NT5C3A: variants seen among roughly 807,000 people sequenced by gnomAD.
NT5C3A encodes the protein cytosolic 5'-nucleotidase 3A.
A neutral mutation model predicts 40.0 loss-of-function variants in NT5C3A; 23 were observed. That is an observed-to-expected ratio of 0.58 (90% CI 0.41 to 0.81). NT5C3A has a LOEUF of 0.81. Ranked by LOEUF, NT5C3A falls within the 40% of genes least tolerant of loss-of-function variation. NT5C3A has a pLI of 0.00. For missense variants in NT5C3A, 328 were observed against 403.0 expected (o/e 0.81, Z 1.59); for synonymous variants, 130 against 141.4 (o/e 0.92, Z 0.57).
At chr7:33,036,176 G>T (rs886885926) in intron 1 of NT5C3A, 1 of 600,764 alleles carries the variant, frequency 1.7e-6, no homozygotes, top group African/African-American at 1.9e-5. Context: ...CTTTCATTGG[G>T]TGGATGCCTT....
At chr7:33,026,041 C>T (rs1000206087) in intron 2 of NT5C3A, among the ~76,000 whole-genome samples, 8 of 152,148 alleles carry the variant, frequency 5.3e-5, no homozygotes, top group Non-Finnish European at 1.0e-4. Flanking sequence ...TAAAAATTAG[C>T]TGGGTGTGGT....
chr7:33,017,250 GT>G, intron 7 of NT5C3A, 188 bp downstream of exon 7: 1 of 568,358 alleles, frequency 1.8e-6, no homozygotes, highest in East Asian at 2.9e-5. Flanking sequence ...GGGAATGAAA[GT>G]TTAAGAAGGG....
chr7:33,040,852 C>T, intron 1 of NT5C3A: 3 of 979,116 alleles, frequency 3.1e-6, no homozygotes, highest in Non-Finnish European at 3.6e-6. Flanking sequence ...AACTCATTTA[C>T]ATGAACCGTA....
At chr7:33,016,172 T>C (rs1230032523) in intron 7 of NT5C3A, among the ~76,000 whole-genome samples, 1 of 148,590 alleles carries the variant, frequency 6.7e-6, no homozygotes, top group Non-Finnish European at 1.5e-5. Context: ...GGTCAGGAGT[T>C]CGAGACCAGA....
At chr7:33,042,818 A>G (rs1046360758) in intron 1 of NT5C3A, among the ~76,000 whole-genome samples, 1 of 152,234 alleles carries the variant, frequency 6.6e-6, no homozygotes, top group Non-Finnish European at 1.5e-5. Context: ...GCCAGGACGT[A>G]TACTGCAAAT....
intron 6 of NT5C3A, among the ~76,000 whole-genome samples, chr7:33,018,504 T>TTG (rs1785458694): frequency 6.6e-6 from 1 of 152,188 alleles, no homozygotes; most frequent in African/African-American, 2.4e-5. Flanking sequence ...AAAAGTAACA[T>TTG]CATCATATTT....
intron 1 of NT5C3A, 61 bp downstream of exon 1, chr7:33,062,507 G>T: frequency 6.8e-7 from 1 of 1,479,798 alleles, no homozygotes; most frequent in Non-Finnish European, 9.4e-7. Flanking sequence ...GGCTGCCGAG[G>T]CCAGCGGACG....
At chr7:33,049,390 C>A (rs1010132689) in intron 1 of NT5C3A, among the ~76,000 whole-genome samples, 1 of 152,070 alleles carries the variant, frequency 6.6e-6, no homozygotes, top group Non-Finnish European at 1.5e-5. Flanking sequence ...GAGATTTGAA[C>A]CAAGGACTTA....
At chr7:33,030,627 G>A (rs967897993) in intron 1 of NT5C3A, among the ~76,000 whole-genome samples, 6 of 152,154 alleles carry the variant, frequency 3.9e-5, no homozygotes, top group Non-Finnish European at 5.9e-5. Context: ...GTTGATTGAT[G>A]CCAATCTGAA....
At chr7:33,022,415 T>G (rs1393920059) in intron 3 of NT5C3A, among the ~76,000 whole-genome samples, 1 of 133,248 alleles carries the variant, frequency 7.5e-6, no homozygotes, top group Non-Finnish European at 1.6e-5. Flanking sequence ...ATTTTCTACT[T>G]TGTAATTAAA....
intron 1 of NT5C3A, among the ~76,000 whole-genome samples, chr7:33,055,075 A>G (rs1388186813): frequency 6.6e-6 from 1 of 152,222 alleles, no homozygotes; most frequent in African/African-American, 2.4e-5. Flanking sequence ...CTGTAATCCC[A>G]GCATTTTGGG....
chr7:33,055,012 T>G (rs1421761028), intron 1 of NT5C3A, among the ~76,000 whole-genome samples: 1 of 152,190 alleles, frequency 6.6e-6, no homozygotes, highest in Non-Finnish European at 1.5e-5. Flanking sequence ...AATGAATATA[T>G]CTTTACTCGG....
chr7:33,057,823 G>A (rs902570240), intron 1 of NT5C3A, among the ~76,000 whole-genome samples: 9 of 152,106 alleles, frequency 5.9e-5, no homozygotes, highest in Admixed American at 6.6e-5. Flanking sequence ...AACTGGTTGT[G>A]GAGGTTCTAG....
chr7:33,043,072 T>A (rs1786998317), intron 1 of NT5C3A, among the ~76,000 whole-genome samples: 1 of 152,240 alleles, frequency 6.6e-6, no homozygotes, highest in Non-Finnish European at 1.5e-5. Context: ...TGTGCTAGTA[T>A]TATTTTCAAT....
intron 1 of NT5C3A, among the ~76,000 whole-genome samples, chr7:33,033,877 C>CATATATATATATATATATATATATATAT (rs1554291562): frequency 2.4e-5 from 3 of 125,970 alleles, no homozygotes; most frequent in African/African-American, 9.5e-5. Flanking sequence ...ATATAAAAGA[C>CATATATATATATATATATATATATATAT]ATATATATAT....
chr7:33,025,581 T>A (rs1231146653), intron 2 of NT5C3A, among the ~76,000 whole-genome samples: 1 of 152,222 alleles, frequency 6.6e-6, no homozygotes, highest in Non-Finnish European at 1.5e-5. Flanking sequence ...TGTATCTTAA[T>A]CTGAACTACT....
chr7:33,037,644 G>A (rs1786681539), intron 1 of NT5C3A, among the ~76,000 whole-genome samples: 2 of 152,208 alleles, frequency 1.3e-5, no homozygotes, highest in South Asian at 2.1e-4. Context: ...CTCTCAGAAA[G>A]CCTGCTAGTA....
At chr7:33,033,283 G>C (rs1786384420) in intron 1 of NT5C3A, among the ~76,000 whole-genome samples, 1 of 152,152 alleles carries the variant, frequency 6.6e-6, no homozygotes, top group East Asian at 1.9e-4. Context: ...TAGATTTAAA[G>C]CCACCTATTC....
intron 2 of NT5C3A, among the ~76,000 whole-genome samples, chr7:33,024,694 A>G (rs1441690689): frequency 1.3e-5 from 2 of 152,224 alleles, no homozygotes; most frequent in Non-Finnish European, 2.9e-5. Context: ...GCTAGAAGAA[A>G]AGATTTAGAA....
Sources: gnomAD v4.1 joint callset for allele counts (sites outside exome capture counted in the v4.1 genomes callset) on GRCh38, gnomAD v4.1.1 for gene constraint, MANE v1.5 for transcripts, NCBI Gene and HGNC (gene_info 2026-07-23, HGNC 2026-07-21) for gene names.